PPARA: variants seen among roughly 807,000 people sequenced by gnomAD.
The protein encoded by PPARA is peroxisome proliferator-activated receptor alpha.
In PPARA, 22 loss-of-function variants were observed where a neutral mutation model predicts 42.2. That is an observed-to-expected ratio of 0.52 (90% CI 0.37 to 0.74). The LOEUF (loss-of-function observed/expected upper bound fraction) is 0.74, where lower values mean the gene tolerates loss of function less well. PPARA is among the 30% of genes least tolerant of loss of function. The pLI is 0.00. For missense variants in PPARA, 465 were observed against 608.2 expected, an observed-to-expected ratio of 0.76 and a Z score of 2.48; for synonymous variants, 242 against 239.3, an observed-to-expected ratio of 1.01 and a Z score of -0.10.
chr22:46,193,899 C>T lies in PPARA; in HGVS notation c.-42-4443C>T, dbSNP rs560981880. Among the ~76,000 whole-genome samples, 2 of 152,306 alleles carry T rather than the reference C, an allele frequency of 1.3e-5. No individual in the cohort carries two copies. The highest frequency in any genetic ancestry group is 6.8e-3 in the Middle Eastern group (2 of 294). On this transcript the variant is annotated intron_variant, in intron 3 of 8. Transcript: ENST00000407236. This position sits in a 1 kb window ranked among gnomAD's most constrained non-coding sequence, Gnocchi z 5.3. ...ATGGTTGGTTATGCCTTGATCCCCC[C>T]CAGAGCATTTGGGGCATAGGACACG...
chr22:46,230,116 A>G lies in PPARA; in HGVS notation c.712-1676A>G, dbSNP rs1178450232. ...GCCGGGCGCGGTGGCTCACCCCTGT[A>G]ATCCCAGCACTTTGGGAGGCTGAGG... On this transcript the variant is annotated intron_variant, in intron 7 of 8. Coordinates refer to ENST00000407236, the MANE Select transcript of PPARA (RefSeq NM_005036.6). The surrounding 1 kb of genome is among the most constrained non-coding windows in gnomAD (Gnocchi z 5.0). 1.3e-5 allele frequency among the ~76,000 whole-genome samples: 2 copies of G among 152,200 alleles called. No individual in the cohort carries two copies. Among genetic ancestry groups the G allele is most frequent in the Admixed American group, 6.5e-5 (1 of 15,278 alleles).
At chr22:46,220,948 A>C (rs1466249766) in intron 7 of PPARA, among the ~76,000 whole-genome samples, 10 of 151,946 alleles carry the variant, frequency 6.6e-5, no homozygotes. Context: ...ATCTCAAAAA[A>C]AAAATAGAAT....
At chr22:46,220,942 C>A (rs1388837783) in intron 7 of PPARA, among the ~76,000 whole-genome samples, 1 of 147,636 alleles carries the variant, frequency 6.8e-6, no homozygotes, top group African/African-American at 2.5e-5. Flanking sequence ...GACCCTATCT[C>A]AAAAAAAAAA....
At chr22:46,153,087 AAAAT>A (rs1285288923) in intron 2 of PPARA, among the ~76,000 whole-genome samples, 1 of 152,290 alleles carries the variant, frequency 6.6e-6, no homozygotes, top group East Asian at 1.9e-4. Flanking sequence ...CTCCGTCTCA[AAAAT>A]AAATAAATAA....
rs145954672 is a variant in PPARA, at chr22:46,182,047, C to G, written c.-43+5211C>G. ...TTTTAGTAGAGACGGGGTTTTGCCA[C>G]ATTGGCCAGGCTGGTCTTGAACTCC... is the stretch of plus-strand genomic sequence containing the variant. On this transcript the variant is annotated intron_variant, in intron 3 of 8. Coordinates refer to ENST00000407236, the MANE Select transcript of PPARA (RefSeq NM_005036.6). The surrounding 1 kb of genome is among the most constrained non-coding windows in gnomAD (Gnocchi z 5.2). Among the ~76,000 whole-genome samples, 646 of 152,264 alleles carry G rather than the reference C, an allele frequency of 4.2e-3. 5 individuals are homozygous for G. The highest frequency in any genetic ancestry group is 0.015 in the African/African-American group (618 of 41,534).
chr22:46,197,817 T>C (rs1425077632), intron 3 of PPARA, among the ~76,000 whole-genome samples: 2 of 151,532 alleles, frequency 1.3e-5, no homozygotes, highest in African/African-American at 4.9e-5. Context: ...GGCAGGAGAA[T>C]TGCTTGAACC....
At chr22:46,214,572 TGTG>T (rs1000439035) in intron 4 of PPARA, among the ~76,000 whole-genome samples, 5 of 95,878 alleles carry the variant, frequency 5.2e-5, no homozygotes, top group African/African-American at 2.1e-4. Flanking sequence ...GGTCCAGAGA[TGTG>T]GGGGTCCGGA....
At chr22:46,218,025 T>G (rs960496330) in intron 5 of PPARA, among the ~76,000 whole-genome samples, 4 of 151,854 alleles carry the variant, frequency 2.6e-5, no homozygotes, top group African/African-American at 9.7e-5. Flanking sequence ...GAGACAGGGT[T>G]GCACCATGTT....
chr22:46,227,713 C>T lies in PPARA; in HGVS notation c.712-4079C>T, dbSNP rs1004187137. 6.6e-6 allele frequency among the ~76,000 whole-genome samples: 1 copy of T among 152,202 alleles called. No individual in the cohort carries two copies. The highest frequency in any genetic ancestry group is 2.4e-5 in the African/African-American group (1 of 41,454). On this transcript the variant is annotated intron_variant, in intron 7 of 8. Transcript: ENST00000407236. This position sits in a 1 kb window ranked among gnomAD's most constrained non-coding sequence, Gnocchi z 4.3. ...ATGGAGTGATTGGGGAAAATCTAGG[C>T]AGCTTCCTGCCTCACGCTGTTTAAA...
In PPARA at chr22:46,219,969, G is replaced by C; in HGVS notation, c.666G>C (p.Lys222Asn). The C allele has an allele frequency of 3.1e-6, 5 of 1,614,180 alleles. No homozygotes were observed. Among genetic ancestry groups the C allele is most frequent in the Non-Finnish European group, 4.2e-6 (5 of 1,180,026 alleles). Residue 222 changes from lysine (K) to asparagine (N), a missense_variant, in exon 7 of 9, where the codon AAG becomes AAC. By Grantham distance (94) the Lys-to-Asn change is moderately conservative. Coordinates refer to ENST00000407236, the MANE Select transcript of PPARA (RefSeq NM_005036.6). This position sits in a 1 kb window ranked among gnomAD's most constrained non-coding sequence, Gnocchi z 4.8. Reference sequence around the variant, plus strand: ...ACTTGAAGAACTTCAACATGAACAAGGTCAAAGCCCGGGTCATCCTCTCAG... The same window carrying C: ...ACTTGAAGAACTTCAACATGAACAACGTCAAAGCCCGGGTCATCCTCTCAG... ...EAYLKNFNMN[K>N]VKARVILSGK...
chr22:46,165,439 T>C lies in PPARA; in HGVS notation c.-126-11314T>C, dbSNP rs1359789501. On this transcript the variant is annotated intron_variant, in intron 2 of 8. Coordinates refer to ENST00000407236, the MANE Select transcript of PPARA (RefSeq NM_005036.6). The surrounding 1 kb of genome is among the most constrained non-coding windows in gnomAD (Gnocchi z 5.5). Reference sequence around the variant, plus strand: ...TGGAGGAATTGGAGAGTTTACAAGATAGTGAAGAACTGCCAGGCCATGGTC... The same window carrying C: ...TGGAGGAATTGGAGAGTTTACAAGACAGTGAAGAACTGCCAGGCCATGGTC... The C allele has an allele frequency of 6.6e-6, 1 of 152,204 alleles. No individual in the cohort carries two copies. Among genetic ancestry groups the C allele is most frequent in the East Asian group, 1.9e-4 (1 of 5,204 alleles). The allele number at this position is 152,204 out of a possible 1,614,324, so 9.4% of individuals were successfully genotyped here.
rs1935333916 is a variant in PPARA, at chr22:46,225,351, T to G, written c.711+5337T>G. On this transcript the variant is annotated intron_variant, in intron 7 of 8. Transcript: ENST00000407236. The surrounding 1 kb of genome is among the most constrained non-coding windows in gnomAD (Gnocchi z 4.1). ...AGGGGGCTGAGGGAGGCAATAAAAA[T>G]GGGTGCTTTTCAACAGTGTCTAAAA... Among the ~76,000 whole-genome samples the G allele has an allele frequency of 6.6e-6, 1 of 152,038 alleles. No homozygotes were observed. Among genetic ancestry groups the G allele is most frequent in the Non-Finnish European group, 1.5e-5 (1 of 67,988 alleles).
At position 46,232,375 on chromosome 22, in the gene PPARA, C is replaced by T. The variant is rs1202167218; in HGVS notation, c.1159+136C>T. On this transcript the variant is annotated intron_variant, in intron 8 of 8. Coordinates refer to ENST00000407236, the MANE Select transcript of PPARA (RefSeq NM_005036.6). The surrounding 1 kb of genome is among the most constrained non-coding windows in gnomAD (Gnocchi z 5.3). ...ACTCACATGGTGGGAAGACGTCTGA[C>T]CCCCAGTCACTGCTGAGAATTCAGT... The T allele has an allele frequency of 1.3e-6, 1 of 797,036 alleles. No individual in the cohort carries two copies. The highest frequency in any genetic ancestry group is 2.2e-6 in the Non-Finnish European group (1 of 456,694). The allele number at this position is 797,036 out of a possible 1,614,324, so 49.4% of individuals were successfully genotyped here. A position where few individuals can be genotyped will look rare whatever the true frequency, so the allele number is the denominator to read the frequency against.
chr22:46,230,840 G>A lies in PPARA; in HGVS notation c.712-952G>A, dbSNP rs191786370. Among the ~76,000 whole-genome samples the A allele has an allele frequency of 1.6e-4, 25 of 152,316 alleles. No individual in the cohort carries two copies. The highest frequency in any genetic ancestry group is 2.9e-4 in the Non-Finnish European group (20 of 68,030). The stretch of plus-strand genomic sequence containing the variant: ...TACATAGATGCCACCTTTCTGAGTT[G>A]TATGTATTTACATGCCAAATGTATT... On this transcript the variant is annotated intron_variant, in intron 7 of 8. Transcript: ENST00000407236. This position sits in a 1 kb window ranked among gnomAD's most constrained non-coding sequence, Gnocchi z 5.0.
intron 3 of PPARA, among the ~76,000 whole-genome samples, chr22:46,189,149 T>A (rs1465564396): frequency 1.3e-5 from 2 of 152,258 alleles, no homozygotes; most frequent in Non-Finnish European, 2.9e-5. Context: ...CTAATTTGAT[T>A]GCAACGGACA....
chr22:46,221,558 G>C lies in PPARA; in HGVS notation c.711+1544G>C, dbSNP rs1935003834. 6.6e-6 allele frequency among the ~76,000 whole-genome samples: 1 copy of C among 152,192 alleles called. No homozygotes were observed. Among genetic ancestry groups the C allele is most frequent in the Admixed American group, 6.5e-5 (1 of 15,270 alleles). On this transcript the variant is annotated intron_variant, in intron 7 of 8. Transcript: ENST00000407236. The surrounding 1 kb of genome is among the most constrained non-coding windows in gnomAD (Gnocchi z 5.9). ...CTCACGCCTGTCATCCCAGCACTTT[G>C]GGAGGCCAAGACAGGCGGATCACGA...
Position 46,235,654 on chromosome 22 carries a change from C to G in PPARA, c.*274C>G, listed in dbSNP as rs1035376157. The stretch of plus-strand genomic sequence containing the variant: ...CTCAATGGTCTGATTTTAACTCACC[C>G]GATGTTAATCAATGCACATTGCTTT... On this transcript the variant is annotated 3_prime_UTR_variant, in exon 9 of 9. Transcript: ENST00000407236. This position sits in a 1 kb window ranked among gnomAD's most constrained non-coding sequence, Gnocchi z 7.0. The G allele has an allele frequency of 4.2e-5, 20 of 470,750 alleles. No individual in the cohort carries two copies. Among genetic ancestry groups the G allele is most frequent in the African/African-American group, 3.3e-4 (17 of 50,950 alleles). The allele number at this position is 470,750 out of a possible 1,614,324, so 29.2% of individuals were successfully genotyped here.
At chr22:46,228,873 G>A (rs1422771635) in intron 7 of PPARA, among the ~76,000 whole-genome samples, 1 of 152,170 alleles carries the variant, frequency 6.6e-6, no homozygotes, top group African/African-American at 2.4e-5. Flanking sequence ...GGGAGGCTGA[G>A]GTGGGCGGAT....
At chr22:46,205,456 G>A (rs1291808636) in intron 4 of PPARA, among the ~76,000 whole-genome samples, 50 of 136,722 alleles carry the variant, frequency 3.7e-4, no homozygotes, top group Middle Eastern at 4.5e-3. Flanking sequence ...CTGGGCTCAA[G>A]TGATCTGCCC....
Sources: gnomAD v4.1 joint callset for allele counts (sites outside exome capture counted in the v4.1 genomes callset) on GRCh38, gnomAD v4.1.1 for gene constraint, Gnocchi (gnomAD v3.1) non-coding constraint, MANE v1.5 for transcripts, NCBI Gene and HGNC (gene_info 2026-07-23, HGNC 2026-07-21) for gene names.